The following AFG2A variants were observed in gnomAD, a reference collection of about 807,000 sequenced individuals.
AFG2A encodes the protein AAA ATPase AFG2A.
the AFG2A span, among the ~76,000 whole-genome samples, chr4:123,113,135 T>A: frequency 6.6e-6 from 1 of 152,228 alleles, no homozygotes. Flanking sequence ...TTTTTCTGTG[T>A]GTGCATTTTC....
the AFG2A span, among the ~76,000 whole-genome samples, chr4:123,136,361 C>T: frequency 3.5e-4 from 53 of 151,230 alleles, no homozygotes; most frequent in African/African-American, 1.1e-3. Flanking sequence ...TGGAGAAACC[C>T]GGTCTCTACT....
the AFG2A span, among the ~76,000 whole-genome samples, chr4:123,301,589 T>G: frequency 6.6e-6 from 1 of 152,224 alleles, no homozygotes; most frequent in Admixed American, 6.5e-5. Flanking sequence ...TCAATGAGTA[T>G]GACATGCATA....
the AFG2A span, among the ~76,000 whole-genome samples, chr4:123,133,659 T>A: frequency 1.3e-5 from 2 of 152,198 alleles, no homozygotes; most frequent in African/African-American, 4.8e-5. Flanking sequence ...CTTCTTTGGG[T>A]AACCTAGACA....
chr4:123,125,365 C>G, the AFG2A span, among the ~76,000 whole-genome samples: 1 of 152,124 alleles, frequency 6.6e-6, no homozygotes, highest in Admixed American at 6.6e-5. Flanking sequence ...TTATGTATCC[C>G]CATCATTAAC....
the AFG2A span, among the ~76,000 whole-genome samples, chr4:123,197,265 G>A: frequency 9.2e-5 from 14 of 152,022 alleles, no homozygotes; most frequent in African/African-American, 3.4e-4. Flanking sequence ...AACTACCAAT[G>A]TTTATTATAA....
At chr4:123,028,151 C>G in the AFG2A span, 1 of 1,576,936 alleles carries the variant, frequency 6.3e-7, no homozygotes, top group Admixed American at 1.8e-5. Flanking sequence ...TTTGTCCTGG[C>G]AAAACTTATA....
chr4:122,979,443 T>A, the AFG2A span: 3 of 1,558,822 alleles, frequency 1.9e-6, no homozygotes, highest in African/African-American at 2.7e-5. Flanking sequence ...CTGAAAAAAA[T>A]TTAGAGTTCA....
the AFG2A span, among the ~76,000 whole-genome samples, chr4:122,997,962 G>T: frequency 6.6e-6 from 1 of 152,040 alleles, no homozygotes; most frequent in Non-Finnish European, 1.5e-5. Context: ...GAAATGTCTA[G>T]TCAGATCCTT....
At chr4:123,045,757 C>T in the AFG2A span, among the ~76,000 whole-genome samples, 1 of 151,878 alleles carries the variant, frequency 6.6e-6, no homozygotes, top group African/African-American at 2.4e-5. Flanking sequence ...ACTCTTTTTC[C>T]TGTTAAGTTA....
the AFG2A span, among the ~76,000 whole-genome samples, chr4:123,177,252 G>A: frequency 6.7e-6 from 1 of 148,656 alleles, no homozygotes; most frequent in Non-Finnish European, 1.5e-5. Flanking sequence ...GAGTGCAGTG[G>A]CACGGTCTCG....
the AFG2A span, among the ~76,000 whole-genome samples, chr4:123,219,414 A>T: frequency 6.6e-6 from 1 of 152,278 alleles, no homozygotes; most frequent in African/African-American, 2.4e-5. Flanking sequence ...GTCTCCTCTG[A>T]CAACACCCTC....
the AFG2A span, among the ~76,000 whole-genome samples, chr4:123,101,205 T>C: frequency 2.6e-5 from 4 of 152,042 alleles, no homozygotes; most frequent in African/African-American, 9.6e-5. Flanking sequence ...GAACATTTAA[T>C]TGACATGGAG....
At chr4:123,293,180 C>T in the AFG2A span, among the ~76,000 whole-genome samples, 1 of 152,164 alleles carries the variant, frequency 6.6e-6, no homozygotes, top group Non-Finnish European at 1.5e-5. Context: ...CATAGGTGCA[C>T]CCAAGCCAAG....
chr4:123,147,347 G>A, the AFG2A span, among the ~76,000 whole-genome samples: 1 of 152,028 alleles, frequency 6.6e-6, no homozygotes, highest in Non-Finnish European at 1.5e-5. Context: ...AAACAAGTGG[G>A]CAGTGGGAAA....
At chr4:123,004,487 C>A in the AFG2A span, among the ~76,000 whole-genome samples, 1 of 152,176 alleles carries the variant, frequency 6.6e-6, no homozygotes, top group African/African-American at 2.4e-5. Context: ...TCTATGTTAT[C>A]TTTTGAGATA....
chr4:122,930,618 C>T, the AFG2A span, among the ~76,000 whole-genome samples: 1 of 151,976 alleles, frequency 6.6e-6, no homozygotes, highest in Non-Finnish European at 1.5e-5. Context: ...TGTATGTATA[C>T]ACACACACAC....
At chr4:122,928,267 C>A in the AFG2A span, among the ~76,000 whole-genome samples, 1 of 152,148 alleles carries the variant, frequency 6.6e-6, no homozygotes, top group Admixed American at 6.5e-5. Flanking sequence ...TACTATTCTC[C>A]CTTGTTTCAG....
the AFG2A span, among the ~76,000 whole-genome samples, chr4:123,068,808 C>T: frequency 1.3e-5 from 2 of 152,024 alleles, no homozygotes; most frequent in Non-Finnish European, 2.9e-5. Flanking sequence ...ATTCAGAGTT[C>T]GACTTAGTGC....
chr4:123,156,887 C>T, the AFG2A span, among the ~76,000 whole-genome samples: 1 of 151,742 alleles, frequency 6.6e-6, no homozygotes, highest in South Asian at 2.1e-4. Flanking sequence ...AGGAGGGACT[C>T]ATATGGAAGG....
Sources: allele counts gnomAD v4.1 joint callset (sites outside exome capture counted in the v4.1 genomes callset), GRCh38; gene constraint gnomAD v4.1.1; transcripts MANE v1.5; gene names NCBI Gene and HGNC (gene_info 2026-07-23, HGNC 2026-07-21).